NME7: variants seen among roughly 807,000 people sequenced by gnomAD.
The protein encoded by NME7 is nucleoside diphosphate kinase 7.
A neutral mutation model predicts 49.1 loss-of-function variants in NME7; 41 were observed. That is an observed-to-expected ratio of 0.83 (90% CI 0.65 to 1.08). The LOEUF is 1.08. Ranked by LOEUF, NME7 falls within the 50% of genes least tolerant of loss-of-function variation. The pLI, the probability that NME7 is intolerant of heterozygous loss-of-function variation, is 0.00. For missense variants in NME7, 423 were observed against 463.4 expected (o/e 0.91, Z 0.80); for synonymous variants, 139 against 150.6 (o/e 0.92, Z 0.56).
At chr1:169,220,416 C>A (rs1182812879) in intron 10 of NME7, among the ~76,000 whole-genome samples, 1 of 152,108 alleles carries the variant, frequency 6.6e-6, no homozygotes, top group East Asian at 1.9e-4. Context: ...TGGGGGATTT[C>A]TCAGGATGCT....
chr1:169,168,758 G>A (rs544899866), intron 11 of NME7: 7 of 409,236 alleles, frequency 1.7e-5, no homozygotes, highest in East Asian at 7.1e-5. Context: ...ACAAAAAGTC[G>A]ATTAACACAT....
intron 3 of NME7, among the ~76,000 whole-genome samples, chr1:169,313,342 A>T (rs12030541): frequency 0.083 from 12,580 of 152,098 alleles, 708 homozygotes; most frequent in Admixed American, 0.19. Flanking sequence ...AACCCAAGAG[A>T]TGATCCTTCC....
chr1:169,323,356 G>T, intron 2 of NME7, 73 bp from the exon 3 acceptor site: 1 of 1,217,962 alleles, frequency 8.2e-7, no homozygotes, highest in East Asian at 2.7e-5. Flanking sequence ...CTCATCATAA[G>T]GTAGAAATAA....
intron 11 of NME7, among the ~76,000 whole-genome samples, chr1:169,144,729 T>C (rs768953632): frequency 1.3e-5 from 2 of 152,098 alleles, no homozygotes; most frequent in South Asian, 2.1e-4. Context: ...AGGACCAAAA[T>C]TATCAATGTG....
intron 1 of NME7, among the ~76,000 whole-genome samples, chr1:169,332,083 T>G (rs749936882): frequency 2.0e-5 from 3 of 152,220 alleles, no homozygotes; most frequent in Non-Finnish European, 4.4e-5. Flanking sequence ...TACAGAGCTA[T>G]AGTAACCCAA....
At chr1:169,280,098 A>C (rs1649941983) in intron 7 of NME7, among the ~76,000 whole-genome samples, 1 of 152,140 alleles carries the variant, frequency 6.6e-6, no homozygotes. Flanking sequence ...AAGCGTTCCC[A>C]TTTTTCCACA....
chr1:169,270,036 A>G (rs1649442178), intron 7 of NME7, among the ~76,000 whole-genome samples: 2 of 133,064 alleles, frequency 1.5e-5, no homozygotes, highest in Admixed American at 7.4e-5. Flanking sequence ...CTCCTAGAGT[A>G]CTGGGATTAC....
In NME7 at chr1:169,308,208, A is replaced by G. The variant is rs138126085; in HGVS notation, c.389+1762T>C. The stretch of plus-strand genomic sequence containing the variant: ...GATCATACATAAGGGAAAAATTCCA[A>G]TTAAACATGTCATTGTCAGGGTAAA... On this transcript the variant is annotated intron_variant, in intron 4 of 11. Transcript: ENST00000367811. Among the ~76,000 whole-genome samples the G allele has an allele frequency of 6.3e-3, 965 of 152,230 alleles. 12 individuals are homozygous for G. Among genetic ancestry groups the G allele is most frequent in the Middle Eastern group, 0.014 (4 of 292 alleles).
At chr1:169,229,158 T>C (rs1005052091) in intron 10 of NME7, among the ~76,000 whole-genome samples, 1 of 152,262 alleles carries the variant, frequency 6.6e-6, no homozygotes, top group Non-Finnish European at 1.5e-5. Context: ...TTACAATTTT[T>C]ATCCTGGCTT....
chr1:169,179,921 C>T (rs959367093), intron 10 of NME7, among the ~76,000 whole-genome samples: 1 of 150,268 alleles, frequency 6.7e-6, no homozygotes, highest in African/African-American at 2.5e-5. Context: ...CCACGGAACA[C>T]ATTTACCCAT....
At chr1:169,168,957 G>A (rs1381009126) in intron 11 of NME7, 8 of 445,596 alleles carry the variant, frequency 1.8e-5, no homozygotes, top group African/African-American at 1.6e-4. Flanking sequence ...CATTGTTCAA[G>A]GGTCAACTGT....
intron 4 of NME7, 49 bp from the exon 5 acceptor site, chr1:169,303,244 C>T (rs1558031003): frequency 1.0e-6 from 1 of 975,778 alleles, no homozygotes; most frequent in South Asian, 1.8e-5. Context: ...AAATTAAACA[C>T]TTATTATTTT....
At chr1:169,254,782 T>C (rs1470672308) in intron 7 of NME7, among the ~76,000 whole-genome samples, 1 of 140,128 alleles carries the variant, frequency 7.1e-6, no homozygotes, top group Non-Finnish European at 1.6e-5. Context: ...CTCGTTGGTT[T>C]CAAAGAACAT....
chr1:169,335,610 C>T (rs982985689), intron 1 of NME7, among the ~76,000 whole-genome samples: 1 of 151,382 alleles, frequency 6.6e-6, no homozygotes, highest in Non-Finnish European at 1.5e-5. Flanking sequence ...CAGCAAATCA[C>T]CATGGCACAT....
At chr1:169,198,609 G>A (rs1316323588) in intron 10 of NME7, among the ~76,000 whole-genome samples, 1 of 152,090 alleles carries the variant, frequency 6.6e-6, no homozygotes, top group African/African-American at 2.4e-5. Context: ...GGCCAGTCAT[G>A]AAAGACCACA....
intron 11 of NME7, among the ~76,000 whole-genome samples, chr1:169,149,394 T>G (rs892508660): frequency 6.6e-6 from 1 of 152,018 alleles, no homozygotes; most frequent in African/African-American, 2.4e-5. Flanking sequence ...AGTTAATATT[T>G]TAGTTACACA....
chr1:169,288,760 T>C (rs1650377656), intron 6 of NME7, among the ~76,000 whole-genome samples: 1 of 152,178 alleles, frequency 6.6e-6, no homozygotes, highest in African/African-American at 2.4e-5. Context: ...TATTTATTAT[T>C]CTTTTTAATC....
chr1:169,168,038 C>T (rs180849311), intron 11 of NME7, among the ~76,000 whole-genome samples: 2 of 152,244 alleles, frequency 1.3e-5, no homozygotes, highest in Admixed American at 6.5e-5. Flanking sequence ...CAGGGAACGG[C>T]GGTCTCCTAG....
intron 1 of NME7, among the ~76,000 whole-genome samples, chr1:169,351,790 G>A (rs1389998603): frequency 4.2e-4 from 64 of 151,872 alleles, no homozygotes; most frequent in Non-Finnish European, 4.4e-5. Flanking sequence ...TGGCTACTAT[G>A]AGCAACTATA....
Sources: allele counts gnomAD v4.1 joint callset (sites outside exome capture counted in the v4.1 genomes callset), GRCh38; gene constraint gnomAD v4.1.1; transcripts MANE v1.5; gene names NCBI Gene and HGNC (gene_info 2026-07-23, HGNC 2026-07-21).